The following NKAIN2 variants were observed in gnomAD, a reference collection of about 807,000 sequenced individuals.
The protein encoded by NKAIN2 is sodium/potassium transporting ATPase interacting 2.
In NKAIN2, 14 loss-of-function variants were observed where a neutral mutation model predicts 32.6. The ratio of observed to expected loss-of-function variants is 0.43; its 90% CI spans 0.28 to 0.67. NKAIN2 has a LOEUF of 0.67. Ranked by LOEUF, NKAIN2 falls within the 30% of genes least tolerant of loss-of-function variation. NKAIN2 has a pLI of 0.17. For missense variants in NKAIN2, 198 were observed against 258.3 expected, an observed-to-expected ratio of 0.77 and a Z score of 1.60; for synonymous variants, 80 against 87.2, an observed-to-expected ratio of 0.92 and a Z score of 0.46.
At chr6:124,497,614 A>G (rs1264116215) in intron 3 of NKAIN2, among the ~76,000 whole-genome samples, 1 of 152,060 alleles carries the variant, frequency 6.6e-6, no homozygotes, top group Non-Finnish European at 1.5e-5. Context: ...TGGAAAAATA[A>G]TTATCTTTAG....
At chr6:123,863,083 C>T (rs1430885386) in intron 1 of NKAIN2, among the ~76,000 whole-genome samples, 4 of 152,194 alleles carry the variant, frequency 2.6e-5, no homozygotes, top group African/African-American at 9.7e-5. Flanking sequence ...GCTTTAAAAA[C>T]AGCTATTCTC....
At chr6:124,015,756 C>T (rs193301186) in intron 1 of NKAIN2, among the ~76,000 whole-genome samples, 3 of 152,272 alleles carry the variant, frequency 2.0e-5, no homozygotes, top group African/African-American at 7.2e-5. Flanking sequence ...TTTATACGCT[C>T]ATATAAGAGT....
intron 1 of NKAIN2, among the ~76,000 whole-genome samples, chr6:124,223,724 C>T (rs1791954633): frequency 6.6e-6 from 1 of 152,136 alleles, no homozygotes. Flanking sequence ...TGAACTCAAT[C>T]CTACTTTATT....
intron 1 of NKAIN2, among the ~76,000 whole-genome samples, chr6:124,069,724 A>T (rs556913751): frequency 6.6e-6 from 1 of 152,192 alleles, no homozygotes; most frequent in South Asian, 2.1e-4. Flanking sequence ...TGATGTTGCT[A>T]ATTTTACTCT....
In NKAIN2 at chr6:124,584,655, GAA is replaced by G. The variant is rs34014858; in HGVS notation, c.274-73514_274-73513del. 3.8e-3 allele frequency among the ~76,000 whole-genome samples: 334 copies of G among 87,200 alleles called. 1 individual carries two copies. Among genetic ancestry groups the G allele is most frequent in the African/African-American group, 0.013 (293 of 22,430 alleles). 57.2% of individuals were successfully genotyped at this position (87,200 alleles called of 152,430 possible). On this transcript the variant is annotated intron_variant, in intron 3 of 6. Coordinates refer to ENST00000368417, the MANE Select transcript of NKAIN2 (RefSeq NM_001040214.3). ...GCAACAAGAGCGAAACTCCATCTCAGAAAAAAAAAAAAAAAAAAGACATACAA... is the reference window on the plus strand; with the variant it reads ...GCAACAAGAGCGAAACTCCATCTCAGAAAAAAAAAAAAAAAAGACATACAA...
chr6:123,989,466 A>G (rs1310768143), intron 1 of NKAIN2, among the ~76,000 whole-genome samples: 2 of 152,326 alleles, frequency 1.3e-5, no homozygotes, highest in East Asian at 3.9e-4. Context: ...ATAGCAATAA[A>G]AACAATAAAC....
chr6:124,390,984 C>A (rs1289089131), intron 3 of NKAIN2: 1 of 152,006 alleles, frequency 6.6e-6, no homozygotes, highest in Non-Finnish European at 1.5e-5. Flanking sequence ...ATTTCTGGTG[C>A]TGTTTTGGAC....
intron 6 of NKAIN2, among the ~76,000 whole-genome samples, chr6:124,821,727 A>G (rs983169549): frequency 6.6e-6 from 1 of 152,246 alleles, no homozygotes; most frequent in Non-Finnish European, 1.5e-5. Flanking sequence ...TAAATGTTTA[A>G]TGGAATTCAA....
At chr6:124,611,176 A>C (rs1034953596) in intron 3 of NKAIN2, among the ~76,000 whole-genome samples, 2 of 152,126 alleles carry the variant, frequency 1.3e-5, no homozygotes, top group Admixed American at 6.5e-5. Context: ...TTAGTATTTT[A>C]TTACTGGTAT....
At chr6:124,291,830 G>C (rs1795828031) in intron 2 of NKAIN2, among the ~76,000 whole-genome samples, 1 of 151,868 alleles carries the variant, frequency 6.6e-6, no homozygotes, top group Admixed American at 6.6e-5. Flanking sequence ...TCAACCATCT[G>C]GCTCCTCCTT....
intron 3 of NKAIN2, among the ~76,000 whole-genome samples, chr6:124,589,242 A>G (rs637547): frequency 1.3e-5 from 2 of 152,070 alleles, no homozygotes; most frequent in Non-Finnish European, 2.9e-5. Flanking sequence ...CTGAAGCACT[A>G]GGTTTTATTC....
At chr6:124,125,971 C>T (rs1786144690) in intron 1 of NKAIN2, among the ~76,000 whole-genome samples, 3 of 152,188 alleles carry the variant, frequency 2.0e-5, no homozygotes, top group Admixed American at 6.5e-5. Flanking sequence ...GGCTCATCAT[C>T]ACCCTCTTCA....
chr6:124,588,585 T>C (rs1330424217), intron 3 of NKAIN2, among the ~76,000 whole-genome samples: 1 of 152,172 alleles, frequency 6.6e-6, no homozygotes, highest in Non-Finnish European at 1.5e-5. Flanking sequence ...GAAATTCGCT[T>C]TCAATTATAT....
At chr6:124,808,414 C>A (rs1032429648) in intron 5 of NKAIN2, among the ~76,000 whole-genome samples, 1 of 152,132 alleles carries the variant, frequency 6.6e-6, no homozygotes, top group Non-Finnish European at 1.5e-5. Flanking sequence ...GCAGAAAAGG[C>A]CTTTGACAAA....
intron 1 of NKAIN2, among the ~76,000 whole-genome samples, chr6:123,911,807 A>ATGTATATATATATATATATG (rs1562253444): frequency 7.7e-5 from 8 of 103,728 alleles, no homozygotes; most frequent in African/African-American, 3.5e-4. Context: ...ATATGTATAT[A>ATGTATATATATATATATATG]TATATACACA....
At chr6:124,055,851 G>A (rs1016385556) in intron 1 of NKAIN2, among the ~76,000 whole-genome samples, 1 of 152,024 alleles carries the variant, frequency 6.6e-6, no homozygotes, top group Admixed American at 6.6e-5. Context: ...AAAAGGTAAG[G>A]CAATAGGAAT....
intron 1 of NKAIN2, among the ~76,000 whole-genome samples, chr6:124,087,537 CTT>C (rs1784238887): frequency 6.6e-6 from 1 of 151,906 alleles, no homozygotes; most frequent in Non-Finnish European, 1.5e-5. Context: ...TGACAAAAAA[CTT>C]CCTGGAACTA....
intron 1 of NKAIN2, among the ~76,000 whole-genome samples, chr6:124,159,887 C>A (rs1788186148): frequency 1.3e-5 from 2 of 152,152 alleles, no homozygotes; most frequent in Admixed American, 1.3e-4. Context: ...GAGCTGCAAA[C>A]TAAATGAAGG....
At chr6:124,811,907 A>T (rs1309971226) in intron 5 of NKAIN2, among the ~76,000 whole-genome samples, 2 of 152,148 alleles carry the variant, frequency 1.3e-5, no homozygotes, top group South Asian at 4.1e-4. Flanking sequence ...TCTTCAGAGA[A>T]CCAAAGGCAA....
Sources: gnomAD v4.1 joint callset for allele counts (sites outside exome capture counted in the v4.1 genomes callset) on GRCh38, gnomAD v4.1.1 for gene constraint, MANE v1.5 for transcripts, NCBI Gene and HGNC (gene_info 2026-07-23, HGNC 2026-07-21) for gene names.